COX16: variants seen among roughly 807,000 people sequenced by gnomAD.
The protein encoded by COX16 is cytochrome c oxidase assembly factor COX16.
A neutral mutation model predicts 15.4 loss-of-function variants in COX16; 12 were observed. That is an observed-to-expected ratio of 0.78 (90% CI 0.50 to 1.26). The LOEUF (loss-of-function observed/expected upper bound fraction) is 1.26. COX16 is among the 50% of genes most tolerant of loss of function. The pLI is 0.00. For synonymous variants in COX16, 46 were observed against 41.1 expected (o/e 1.12, Z -0.46); for missense variants, 124 against 127.6 (o/e 0.97, Z 0.14).
intron 2 of COX16, among the ~76,000 whole-genome samples, chr14:70,334,770 A>G (rs937893900): frequency 6.6e-6 from 1 of 152,250 alleles, no homozygotes; most frequent in Non-Finnish European, 1.5e-5. Flanking sequence ...TCAGTTAATC[A>G]CATAAAAAGG....
intron 1 of COX16, among the ~76,000 whole-genome samples, chr14:70,346,699 G>A (rs1163984115): frequency 6.6e-6 from 1 of 151,952 alleles, no homozygotes; most frequent in Non-Finnish European, 1.5e-5. Flanking sequence ...ATTAATACCG[G>A]GCAAACTACT....
At chr14:70,357,177 A>C (rs996290090) in intron 1 of COX16, among the ~76,000 whole-genome samples, 7 of 149,338 alleles carry the variant, frequency 4.7e-5, no homozygotes, top group South Asian at 2.2e-4. Context: ...AAAAAAAAAA[A>C]AAAAAAAAAA....
intron 2 of COX16, among the ~76,000 whole-genome samples, chr14:70,342,312 G>T (rs1330473208): frequency 1.3e-5 from 2 of 152,126 alleles, no homozygotes; most frequent in Non-Finnish European, 2.9e-5. Context: ...GGGTGGTAGT[G>T]GCGCACACCT....
At chr14:70,357,660 G>C (rs945774224) in intron 1 of COX16, among the ~76,000 whole-genome samples, 1 of 152,184 alleles carries the variant, frequency 6.6e-6, no homozygotes, top group Non-Finnish European at 1.5e-5. Context: ...AACATAATAA[G>C]TCGTTAGGGA....
chr14:70,332,914 G>A (rs1886335696), intron 2 of COX16, among the ~76,000 whole-genome samples: 1 of 152,214 alleles, frequency 6.6e-6, no homozygotes, highest in Non-Finnish European at 1.5e-5. Context: ...CACAGCCCCA[G>A]TACCTACCTT....
intron 2 of COX16, among the ~76,000 whole-genome samples, chr14:70,340,251 G>A (rs1231726044): frequency 6.6e-6 from 1 of 152,060 alleles, no homozygotes; most frequent in African/African-American, 2.4e-5. Flanking sequence ...TCTCTCTCCT[G>A]CCGCCATGTG....
intron 2 of COX16, among the ~76,000 whole-genome samples, chr14:70,339,604 C>T (rs1886564370): frequency 6.6e-6 from 1 of 152,124 alleles, no homozygotes; most frequent in South Asian, 2.1e-4. Flanking sequence ...ACCCTCTTGA[C>T]CACCCTAACC....
Position 70,354,915 on chromosome 14 carries a change from C to G in COX16, c.69+4604G>C, listed in dbSNP as rs188607732. Among the ~76,000 whole-genome samples the G allele has an allele frequency of 3.9e-3, 594 of 151,744 alleles. 3 individuals are homozygous for G. The highest frequency in any genetic ancestry group is 0.013 in the African/African-American group (552 of 41,356). On this transcript the variant is annotated intron_variant, in intron 1 of 3. Coordinates refer to ENST00000389912, the MANE Select transcript of COX16 (RefSeq NM_016468.7). ...TGCCTGTTACCATAGAATCCACACT[C>G]CTAACTAAATATCTTCATTTATCTC... is the stretch of plus-strand genomic sequence containing the variant.
At position 70,336,856 on chromosome 14, in the gene COX16, A is replaced by G. The variant is rs1031606214; in HGVS notation, c.141+5802T>C. Among the ~76,000 whole-genome samples, 5 of 152,236 alleles carry G rather than the reference A, an allele frequency of 3.3e-5. 1 individual carries two copies. Among genetic ancestry groups the G allele is most frequent in the South Asian group, 4.1e-4 (2 of 4,834 alleles). ...TTATTTTCTGTACAAAATTTATCCAATAATCTAAAATTTATCCAATAATGT... is the reference window on the plus strand; with the variant it reads ...TTATTTTCTGTACAAAATTTATCCAGTAATCTAAAATTTATCCAATAATGT... On this transcript the variant is annotated intron_variant, in intron 2 of 3. Transcript: ENST00000389912.
intron 1 of COX16, among the ~76,000 whole-genome samples, chr14:70,356,246 G>T (rs988343112): frequency 1.3e-5 from 2 of 151,918 alleles, no homozygotes; most frequent in Non-Finnish European, 2.9e-5. Flanking sequence ...GGATGAAACT[G>T]TTCCACTTTA....
At chr14:70,334,881 C>G (rs1886401967) in intron 2 of COX16, among the ~76,000 whole-genome samples, 1 of 152,146 alleles carries the variant, frequency 6.6e-6, no homozygotes, top group African/African-American at 2.4e-5. Context: ...TGTAAATGGA[C>G]TACACTCTCC....
chr14:70,334,855 CAAT>C (rs577679791), intron 2 of COX16, among the ~76,000 whole-genome samples: 91 of 152,222 alleles, frequency 6.0e-4, no homozygotes, highest in African/African-American at 2.1e-3. Flanking sequence ...CCTTACCTAT[CAAT>C]AATAACAGTG....
At chr14:70,359,095 C>A (rs1887216942) in intron 1 of COX16, 1 of 432,682 alleles carries the variant, frequency 2.3e-6, no homozygotes, top group Non-Finnish European at 4.7e-6. Flanking sequence ...TACATCTAGT[C>A]CCAATGATCC....
intron 3 of COX16, among the ~76,000 whole-genome samples, chr14:70,328,485 C>T (rs1248882951): frequency 6.6e-6 from 1 of 152,182 alleles, no homozygotes; most frequent in Non-Finnish European, 1.5e-5. Context: ...AGAACATCCT[C>T]ACCACATCCC....
chr14:70,333,797 C>G (rs963565404), intron 2 of COX16, among the ~76,000 whole-genome samples: 1 of 152,160 alleles, frequency 6.6e-6, no homozygotes, highest in South Asian at 2.1e-4. Context: ...ATCAAACTCT[C>G]AAACACCAAA....
At chr14:70,346,916 T>A (rs1472845774) in intron 1 of COX16, among the ~76,000 whole-genome samples, 1 of 152,024 alleles carries the variant, frequency 6.6e-6, no homozygotes, top group Non-Finnish European at 1.5e-5. Flanking sequence ...ACATTCCCCA[T>A]AGTACCCAAC....
At chr14:70,352,425 G>T (rs1886982714) in intron 1 of COX16, among the ~76,000 whole-genome samples, 1 of 151,932 alleles carries the variant, frequency 6.6e-6, no homozygotes, top group Non-Finnish European at 1.5e-5. Flanking sequence ...GGGCTCAAGT[G>T]ATCCACCCGC....
intron 2 of COX16, among the ~76,000 whole-genome samples, chr14:70,336,195 G>C (rs1886449853): frequency 6.6e-6 from 1 of 152,204 alleles, no homozygotes. Flanking sequence ...GGCGGAAGTT[G>C]CAGTGAGCCA....
In COX16 at chr14:70,358,495, T is replaced by G. The variant is rs377201163; in HGVS notation, c.69+1024A>C. On this transcript the variant is annotated intron_variant, in intron 1 of 3. Transcript: ENST00000389912. ...GGATTACAGGTGTGAGCCATCGTGCTTGGCCCAGATACTTCAAATGGGTGA... is the reference window on the plus strand; with the variant it reads ...GGATTACAGGTGTGAGCCATCGTGCGTGGCCCAGATACTTCAAATGGGTGA... Among the ~76,000 whole-genome samples the G allele has an allele frequency of 2.6e-5, 4 of 151,298 alleles. No homozygotes were observed. The East Asian group carries it at 7.8e-4, about 29-fold the overall frequency.
Sources: allele counts gnomAD v4.1 joint callset (sites outside exome capture counted in the v4.1 genomes callset), GRCh38; gene constraint gnomAD v4.1.1; transcripts MANE v1.5; gene names NCBI Gene and HGNC (gene_info 2026-07-23, HGNC 2026-07-21).